SMG7: variants seen among roughly 807,000 people sequenced by gnomAD.
SMG7 encodes the protein SMG7 nonsense mediated mRNA decay factor, also known as nonsense-mediated mRNA decay factor SMG7.
SMG7 carries 34 observed loss-of-function variants against 148.2 expected under a neutral mutation model. That is an observed-to-expected ratio of 0.23 (90% CI 0.17 to 0.31). The LOEUF (loss-of-function observed/expected upper bound fraction) is 0.31. Ranked by LOEUF, SMG7 falls within the 10% of genes least tolerant of loss-of-function variation. The pLI, the probability that SMG7 is intolerant of heterozygous loss-of-function variation, is 1.00. For synonymous variants in SMG7, 492 were observed against 515.1 expected, an observed-to-expected ratio of 0.96 and a Z score of 0.61; for missense variants, 1,114 against 1,408.4, an observed-to-expected ratio of 0.79 and a Z score of 3.35.
chr1:183,512,189 G>C (rs1306498623), intron 1 of SMG7, among the ~76,000 whole-genome samples: 2 of 152,106 alleles, frequency 1.3e-5, no homozygotes, highest in Non-Finnish European at 2.9e-5. Context: ...TCTCAAAATT[G>C]GTGCAAGGGA....
intron 12 of SMG7, among the ~76,000 whole-genome samples, chr1:183,540,438 A>C (rs761377960): frequency 6.6e-6 from 1 of 152,056 alleles, no homozygotes; most frequent in Non-Finnish European, 1.5e-5. Flanking sequence ...AAAAAGTTTA[A>C]TAAGGAGAAA....
At chr1:183,545,577 A>G (rs1669780939) in intron 16 of SMG7, among the ~76,000 whole-genome samples, 1 of 152,182 alleles carries the variant, frequency 6.6e-6, no homozygotes, top group Non-Finnish European at 1.5e-5. Context: ...TCTGCAAATA[A>G]TTCTCCTATA....
At position 183,544,924 on chromosome 1, in the gene SMG7, T is replaced by C. The variant is rs1388713716; in HGVS notation, c.1988-6T>C. 2 of 1,609,984 alleles carry C rather than the reference T, an allele frequency of 1.2e-6. No homozygotes were observed. The highest frequency in any genetic ancestry group is 2.2e-5 in the South Asian group (2 of 91,002). ...AAAACTAAAGCTGTGTTCTTCTGTT[T>C]TGAAGGGTTTCCGCCCCCAACATAT... On this transcript the variant is annotated splice_region_variant and splice_polypyrimidine_tract_variant and intron_variant, in intron 15 of 22. Transcript: ENST00000688051.
Position 183,544,466 on chromosome 1 carries a change from T to C in SMG7, c.1956T>C (p.Pro652=). The change falls in exon 15 of 23, where the codon CCT becomes CCC. Residue 652 remains proline (P), a synonymous_variant. Transcript: ENST00000688051. ...SNSQFIPIHH[P]GAFPPLPSRP... ...CCCAGTTCATCCCCATTCATCACCC[T>C]GGAGCCTTCCCTCCTCTTCCCAGCA... The C allele has an allele frequency of 6.2e-7, 1 of 1,613,950 alleles. No individual in the cohort carries two copies. Among genetic ancestry groups the C allele is most frequent in the Non-Finnish European group, 8.5e-7 (1 of 1,179,864 alleles).
At chr1:183,473,366 G>C (rs901392264) in intron 1 of SMG7, among the ~76,000 whole-genome samples, 3 of 152,024 alleles carry the variant, frequency 2.0e-5, no homozygotes, top group Non-Finnish European at 4.4e-5. Context: ...TATTCATTAA[G>C]AGTGGTGTAA....
At chr1:183,490,948 G>T (rs1383181127) in intron 1 of SMG7, among the ~76,000 whole-genome samples, 1 of 152,142 alleles carries the variant, frequency 6.6e-6, no homozygotes, top group Non-Finnish European at 1.5e-5. Flanking sequence ...ACCATGCCTG[G>T]CTGATTTTTA....
At chr1:183,506,495 GCTTA>G (rs532218066) in intron 1 of SMG7, among the ~76,000 whole-genome samples, 15 of 152,210 alleles carry the variant, frequency 9.9e-5, no homozygotes, top group East Asian at 9.6e-4. Context: ...TTAAGTGCAT[GCTTA>G]CTTTATGTCT....
At chr1:183,497,999 G>A (rs901927078) in intron 1 of SMG7, among the ~76,000 whole-genome samples, 1 of 152,308 alleles carries the variant, frequency 6.6e-6, no homozygotes, top group Admixed American at 6.5e-5. Context: ...AGAATATCAA[G>A]TTTGACTTTT....
Position 183,527,267 on chromosome 1 carries a change from TC to T in SMG7, c.484+502del, listed in dbSNP as rs757986545. 2.0e-5 allele frequency among the ~76,000 whole-genome samples: 3 copies of T among 152,260 alleles called. No individual in the cohort carries two copies. Among genetic ancestry groups the T allele is most frequent in the Non-Finnish European group, 4.4e-5 (3 of 68,046 alleles). On this transcript the variant is annotated intron_variant, in intron 5 of 22. Transcript: ENST00000688051. The surrounding 1 kb of genome is among the most constrained non-coding windows in gnomAD (Gnocchi z 4.0). ...ATATAACTTATTTATTCTTGTTCAT[TC>T]CTTTAAGGTGACCTAGAAAGGTTGT...
At chr1:183,541,168 ACG>A (rs1160215623) in intron 13 of SMG7, 65 bp downstream of exon 13, 27 of 1,300,136 alleles carry the variant, frequency 2.1e-5, no homozygotes, top group South Asian at 8.6e-5. Context: ...ATGCGCGCAC[ACG>A]CGCGCGCACA....
At chr1:183,526,108 A>G (rs1406891808) in intron 4 of SMG7, among the ~76,000 whole-genome samples, 3 of 151,120 alleles carry the variant, frequency 2.0e-5, no homozygotes, top group African/African-American at 7.3e-5. Flanking sequence ...AATGAATGAT[A>G]CTAGTTATCC....
intron 9 of SMG7, 130 bp from the exon 10 acceptor site, chr1:183,533,546 C>A: frequency 2.2e-6 from 2 of 901,830 alleles, no homozygotes; most frequent in Non-Finnish European, 1.6e-6. Flanking sequence ...GGAAAGAAAG[C>A]GTCTTTTTAG....
intron 8 of SMG7, among the ~76,000 whole-genome samples, chr1:183,531,170 T>A (rs983594284): frequency 6.6e-6 from 1 of 152,140 alleles, no homozygotes; most frequent in African/African-American, 2.4e-5. Flanking sequence ...CCAAAGTATT[T>A]CTAAAGCATA....
At chr1:183,498,400 G>A (rs1195747645) in intron 1 of SMG7, among the ~76,000 whole-genome samples, 2 of 152,266 alleles carry the variant, frequency 1.3e-5, no homozygotes, top group East Asian at 3.9e-4. Context: ...GTGGTGGCAC[G>A]TGCCTCTAGT....
intron 13 of SMG7, 124 bp downstream of exon 13, chr1:183,541,227 T>C: frequency 1.2e-6 from 1 of 835,846 alleles, no homozygotes; most frequent in South Asian, 1.6e-5. Context: ...GTATAAATAT[T>C]GTCAATCATG....
chr1:183,473,661 G>A, intron 1 of SMG7: 1 of 765,484 alleles, frequency 1.3e-6, no homozygotes, highest in Non-Finnish European at 1.6e-6. Context: ...AAATTAACTG[G>A]GGAGTGACTA....
chr1:183,485,719 C>T (rs555881753), intron 1 of SMG7, among the ~76,000 whole-genome samples: 2 of 152,310 alleles, frequency 1.3e-5, no homozygotes, highest in African/African-American at 4.8e-5. Flanking sequence ...ATTTTCCTCA[C>T]TGACTTGGTT....
chr1:183,508,228 C>T (rs1661364027), intron 1 of SMG7: 1 of 647,712 alleles, frequency 1.5e-6, no homozygotes, highest in Non-Finnish European at 1.9e-6. Context: ...AAGTCTCACT[C>T]CATTGCCCAG....
intron 9 of SMG7, 70 bp from the exon 10 acceptor site, chr1:183,533,606 C>T (rs1464346089): frequency 1.5e-6 from 2 of 1,306,550 alleles, no homozygotes; most frequent in Non-Finnish European, 2.1e-6. Context: ...GTAGAAGGCA[C>T]ATAATATTTT....
Sources: gnomAD v4.1 joint callset for allele counts (sites outside exome capture counted in the v4.1 genomes callset) on GRCh38, gnomAD v4.1.1 for gene constraint, Gnocchi (gnomAD v3.1) non-coding constraint, MANE v1.5 for transcripts, NCBI Gene and HGNC (gene_info 2026-07-23, HGNC 2026-07-21) for gene names.